The following PGAP3 variants were observed in gnomAD, a reference collection of about 807,000 sequenced individuals.
PGAP3 encodes the protein post-GPI attachment to proteins phospholipase 3.
In PGAP3, 31 loss-of-function variants were observed where a neutral mutation model predicts 40.3. The observed-to-expected ratio is 0.77, with a 90% CI of 0.58 to 1.04. The LOEUF (loss-of-function observed/expected upper bound fraction) is 1.04, where lower values mean the gene tolerates loss of function less well. Ranked by LOEUF, PGAP3 falls within the 50% of genes least tolerant of loss-of-function variation. PGAP3 has a pLI of 0.00. For synonymous variants in PGAP3, 191 were observed against 184.5 expected (o/e 1.04, Z -0.29); for missense variants, 413 against 423.0 (o/e 0.98, Z 0.21).
chr17:39,676,386 G>A (rs1383745739), intron 3 of PGAP3, among the ~76,000 whole-genome samples: 30 of 152,166 alleles, frequency 2.0e-4, no homozygotes, highest in Admixed American at 2.0e-3. Flanking sequence ...GTGAGAAGAG[G>A]ACTGCAGGAC....
At chr17:39,686,113 G>T in intron 1 of PGAP3, 94 bp from the exon 2 acceptor site, 1 of 1,071,336 alleles carries the variant, frequency 9.3e-7, no homozygotes, top group Non-Finnish European at 1.4e-6. Context: ...GGCCAAGAGG[G>T]CCTGTAAGTT....
chr17:39,678,624 G>A (rs2057403560), intron 3 of PGAP3, among the ~76,000 whole-genome samples: 1 of 152,152 alleles, frequency 6.6e-6, no homozygotes, highest in Non-Finnish European at 1.5e-5. Context: ...AGCGGGTGAG[G>A]GACCTTGCCT....
intron 5 of PGAP3, 109 bp from the exon 6 acceptor site, chr17:39,673,759 A>C: frequency 6.9e-7 from 1 of 1,452,020 alleles, no homozygotes; most frequent in African/African-American, 1.4e-5. Context: ...TGAAGTCACT[A>C]CCCCTCTCCC....
chr17:39,676,537 G>A (rs1312708897), intron 3 of PGAP3: 2 of 152,176 alleles, frequency 1.3e-5, no homozygotes, highest in Admixed American at 1.3e-4. Flanking sequence ...AGACCCACCT[G>A]AAGCCTGGCC....
chr17:39,685,536 A>G (rs922072721), intron 2 of PGAP3, among the ~76,000 whole-genome samples: 1 of 151,972 alleles, frequency 6.6e-6, no homozygotes, highest in East Asian at 1.9e-4. Flanking sequence ...GAAAGGTACC[A>G]GCAAACTGTG....
intron 1 of PGAP3, among the ~76,000 whole-genome samples, chr17:39,687,564 G>A (rs893704705): frequency 6.6e-6 from 1 of 152,200 alleles, no homozygotes; most frequent in African/African-American, 2.4e-5. Flanking sequence ...GTCCCAATGG[G>A]CGGGACCCTG....
At chr17:39,685,041 G>A in intron 2 of PGAP3, 1 of 316,404 alleles carries the variant, frequency 3.2e-6, no homozygotes, top group South Asian at 7.8e-5. Context: ...AAACAGCACA[G>A]AGTTGCCATC....
At chr17:39,686,633 C>T (rs997257670) in intron 1 of PGAP3, among the ~76,000 whole-genome samples, 4 of 148,156 alleles carry the variant, frequency 2.7e-5, no homozygotes, top group Non-Finnish European at 5.9e-5. Flanking sequence ...GAGCATGGCT[C>T]ACCACAGCCT....
intron 3 of PGAP3, among the ~76,000 whole-genome samples, chr17:39,679,271 T>C (rs907347136): frequency 1.1e-4 from 16 of 152,114 alleles, no homozygotes; most frequent in African/African-American, 3.9e-4. Context: ...CTAGGGTCCT[T>C]AGTCACACTG....
At chr17:39,685,817 C>A (rs570069811) in intron 2 of PGAP3, 105 bp downstream of exon 2, 1 of 1,007,004 alleles carries the variant, frequency 9.9e-7, no homozygotes, top group African/African-American at 1.6e-5. Context: ...CAAACACACA[C>A]GCATTACCCC....
chr17:39,684,513 A>G (rs1259910812), intron 3 of PGAP3, 84 bp downstream of exon 3: 3 of 1,422,328 alleles, frequency 2.1e-6, no homozygotes, highest in Non-Finnish European at 9.5e-7. Context: ...TGGTAAGTAG[A>G]AGCCCTGTTG....
In PGAP3 at chr17:39,687,977, C is replaced by G; in HGVS notation, c.38G>C (p.Gly13Ala). The G allele has an allele frequency of 6.8e-7, 1 of 1,464,190 alleles. No homozygotes were observed. Among genetic ancestry groups the G allele is most frequent in the Non-Finnish European group, 9.2e-7 (1 of 1,092,716 alleles). 90.7% of individuals were successfully genotyped at this position (1,464,190 alleles called of 1,614,324 possible). ...GGAGCCGCTCGCCAGCGCCGCTGCC[C>G]CAGCTAGCAGGACCAACCGCGCCGC... ...GLAARLVLLA[G>A]AAALASGSQG... The change falls in exon 1 of 8, where the codon GGG becomes GCG. Residue 13 changes from glycine (G) to alanine (A), a missense_variant. Physicochemically the swap from Gly to Ala is moderately conservative, Grantham distance 60 (BLOSUM62 0). Coordinates refer to ENST00000300658, the MANE Select transcript of PGAP3 (RefSeq NM_033419.5).
chr17:39,672,690 A>G lies in PGAP3; in HGVS notation c.*113T>C, dbSNP rs1324792596. 11 of 1,110,842 alleles carry G rather than the reference A, an allele frequency of 9.9e-6. No individual in the cohort carries two copies. Among genetic ancestry groups the G allele is most frequent in the Non-Finnish European group, 1.3e-5 (10 of 754,252 alleles). The allele number at this position is 1,110,842 out of a possible 1,614,324, so 68.8% of individuals were successfully genotyped here. ...ACATGATTCTGGGCCCACATCCTTC[A>G]TGTCCAAGTTCAAGAAGTTGAAAAG... On this transcript the variant is annotated 3_prime_UTR_variant, in exon 8 of 8. Coordinates refer to ENST00000300658, the MANE Select transcript of PGAP3 (RefSeq NM_033419.5).
At position 39,672,730 on chromosome 17, in the gene PGAP3, A is replaced by C; in HGVS notation, c.*73T>G. 1 of 1,414,740 alleles carries C rather than the reference A, an allele frequency of 7.1e-7. No homozygotes were observed. The allele number at this position is 1,414,740 out of a possible 1,614,324, so 87.6% of individuals were successfully genotyped here. ...AAGTTGAAAAGAGAAAATCATCTCA[A>C]GGGTTGAGGGGAGAAGGGAGGCCAG... is the stretch of plus-strand genomic sequence containing the variant. On this transcript the variant is annotated 3_prime_UTR_variant, in exon 8 of 8. Coordinates refer to ENST00000300658, the MANE Select transcript of PGAP3 (RefSeq NM_033419.5).
At chr17:39,676,132 G>A (rs983447010) in intron 3 of PGAP3, among the ~76,000 whole-genome samples, 1 of 152,198 alleles carries the variant, frequency 6.6e-6, no homozygotes, top group Admixed American at 6.5e-5. Flanking sequence ...GACTGAACCT[G>A]GTGGCTTCTC....
At chr17:39,682,035 A>G (rs2075601087) in intron 3 of PGAP3, among the ~76,000 whole-genome samples, 1 of 151,442 alleles carries the variant, frequency 6.6e-6, no homozygotes, top group Non-Finnish European at 1.5e-5. Flanking sequence ...CCTGGCTAAC[A>G]TGGTGAAACC....
At chr17:39,682,956 A>C (rs751531468) in intron 3 of PGAP3, among the ~76,000 whole-genome samples, 87 of 152,108 alleles carry the variant, frequency 5.7e-4, no homozygotes, top group Non-Finnish European at 9.4e-4. Flanking sequence ...ACATGCCTGT[A>C]GTCCCAGCTG....
At chr17:39,681,252 T>C (rs1484122674) in intron 3 of PGAP3, among the ~76,000 whole-genome samples, 1 of 152,170 alleles carries the variant, frequency 6.6e-6, no homozygotes, top group Non-Finnish European at 1.5e-5. Context: ...TTTATCAGCA[T>C]AGCCAAGATG....
chr17:39,674,130 G>C, intron 4 of PGAP3, 76 bp from the exon 5 acceptor site: 1 of 1,445,562 alleles, frequency 6.9e-7, no homozygotes, highest in Non-Finnish European at 9.7e-7. Flanking sequence ...GGGCATGGAG[G>C]AGTGGCAGAG....
Sources: gnomAD v4.1 joint callset for allele counts (sites outside exome capture counted in the v4.1 genomes callset) on GRCh38, gnomAD v4.1.1 for gene constraint, MANE v1.5 for transcripts, NCBI Gene and HGNC (gene_info 2026-07-23, HGNC 2026-07-21) for gene names.